Variants in ADAM23 observed in about 807,000 individuals in gnomAD.
ADAM23 encodes ADAM metallopeptidase domain 23.
Under a neutral mutation model 120.1 loss-of-function variants are expected in ADAM23, and 33 were observed. The observed-to-expected ratio is 0.27, with a 90% CI of 0.21 to 0.37. The LOEUF is 0.37. ADAM23 is among the 10% of genes least tolerant of loss of function. The probability of loss-of-function intolerance (pLI) is 1.00; values close to 1 mark genes in which losing one functional copy is unlikely to be tolerated. For missense variants in ADAM23, 862 were observed against 1,058.2 expected (o/e 0.81, Z 2.57); for synonymous variants, 367 against 375.2 (o/e 0.98, Z 0.25).
At chr2:206,460,208 T>C (rs188457312) in intron 2 of ADAM23, among the ~76,000 whole-genome samples, 1 of 152,196 alleles carries the variant, frequency 6.6e-6, no homozygotes, top group Non-Finnish European at 1.5e-5. Context: ...TCTTTATGTT[T>C]GTGTATTTAA....
intron 4 of ADAM23, among the ~76,000 whole-genome samples, chr2:206,536,602 G>A (rs896736254): frequency 6.6e-6 from 1 of 152,060 alleles, no homozygotes; most frequent in Non-Finnish European, 1.5e-5. Context: ...CACGCCACAC[G>A]CTTAAAACGT....
intron 13 of ADAM23, among the ~76,000 whole-genome samples, chr2:206,562,758 G>A (rs925962495): frequency 1.3e-5 from 2 of 152,316 alleles, no homozygotes; most frequent in East Asian, 1.9e-4. Context: ...GGAGAAAAAG[G>A]CTTTGCAAGG....
chr2:206,565,286 C>T (rs958642309), intron 14 of ADAM23, among the ~76,000 whole-genome samples: 1 of 152,094 alleles, frequency 6.6e-6, no homozygotes, highest in Non-Finnish European at 1.5e-5. Context: ...TTACCTTCTA[C>T]TTCTTATTAA....
At position 206,481,268 on chromosome 2, in the gene ADAM23, G is replaced by A; in HGVS notation, c.469G>A (p.Ala157Thr). ...GGCCCAGGCAAGCTTCCAGATTGAA[G>A]CCTTCGGCTCCAAATTCATTCTTGA... The part of the protein sequence containing the change: ...HLAQASFQIE[A>T]FGSKFILDLI... The change falls in exon 3 of 26, where the codon GCC becomes ACC. Residue 157 changes from alanine (A) to threonine (T), a missense_variant. By Grantham distance (58) the Ala-to-Thr change is moderately conservative. Around this residue, in one of 4 missense-constraint regions of ADAM23, gnomAD observed 617 missense variants for 813.5 expected, o/e 0.76. Transcript: ENST00000264377. 1.2e-6 allele frequency: 2 copies of A among 1,609,966 alleles called. No homozygotes were observed. Among genetic ancestry groups the A allele is most frequent in the Non-Finnish European group, 1.7e-6 (2 of 1,178,386 alleles).
chr2:206,462,139 A>G (rs1695433928), intron 2 of ADAM23, among the ~76,000 whole-genome samples: 1 of 152,182 alleles, frequency 6.6e-6, no homozygotes. Flanking sequence ...CTGGGAGCCT[A>G]GAGCAAAGGA....
At chr2:206,465,888 C>G (rs576722906) in intron 2 of ADAM23, among the ~76,000 whole-genome samples, 135 of 152,184 alleles carry the variant, frequency 8.9e-4, no homozygotes, top group African/African-American at 3.1e-3. Context: ...ACAATATAAA[C>G]TTTAATTATG....
chr2:206,480,739 A>G (rs912699080), intron 2 of ADAM23, among the ~76,000 whole-genome samples: 1 of 152,128 alleles, frequency 6.6e-6, no homozygotes, highest in Non-Finnish European at 1.5e-5. Context: ...TGCTTTCTGA[A>G]GTTACAAGGT....
chr2:206,493,285 T>C lies in ADAM23; in HGVS notation c.509+11977T>C, dbSNP rs553636891. On this transcript the variant is annotated intron_variant, in intron 3 of 25. Coordinates refer to ENST00000264377, the MANE Select transcript of ADAM23 (RefSeq NM_003812.4). Reference sequence around the variant, plus strand: ...AAAAGTACTCTCTTTAACAAGTTTGTTCTAATGCTTCTTCCATGATGATAT... The same window carrying C: ...AAAAGTACTCTCTTTAACAAGTTTGCTCTAATGCTTCTTCCATGATGATAT... Among the ~76,000 whole-genome samples, 5 of 152,340 alleles carry C rather than the reference T, an allele frequency of 3.3e-5. No individual in the cohort carries two copies. The South Asian group carries it at 8.3e-4, about 25-fold the overall frequency.
rs188858636 is a variant in ADAM23 at position 206,585,707 on chromosome 2, A to G, written c.1738-1618A>G. 5.4e-3 allele frequency among the ~76,000 whole-genome samples: 818 copies of G among 152,326 alleles called. 28 individuals are homozygous for G. Among genetic ancestry groups the G allele is most frequent in the Admixed American group, 0.048 (732 of 15,304 alleles). ...TGTTGTAGGTACTAGGGCAGCAGTA[A>G]GGAACAAAACATAGAATCCTGCTTG... On this transcript the variant is annotated intron_variant, in intron 18 of 25. Coordinates refer to ENST00000264377, the MANE Select transcript of ADAM23 (RefSeq NM_003812.4).
At chr2:206,495,178 A>G (rs1476064222) in intron 3 of ADAM23, among the ~76,000 whole-genome samples, 1 of 152,108 alleles carries the variant, frequency 6.6e-6, no homozygotes, top group Non-Finnish European at 1.5e-5. Context: ...GAGAAGAGCA[A>G]CTCCAAGACA....
chr2:206,543,602 C>A (rs1559256546), intron 6 of ADAM23, among the ~76,000 whole-genome samples: 1 of 152,096 alleles, frequency 6.6e-6, no homozygotes, highest in Non-Finnish European at 1.5e-5. Context: ...TATTAGCCAG[C>A]CTCCTTACTT....
chr2:206,589,086 C>T (rs1698379478), intron 20 of ADAM23, among the ~76,000 whole-genome samples: 1 of 152,144 alleles, frequency 6.6e-6, no homozygotes, highest in Non-Finnish European at 1.5e-5. Flanking sequence ...TCATTCGCAC[C>T]TTCCATCCTC....
intron 2 of ADAM23, among the ~76,000 whole-genome samples, chr2:206,469,938 T>C (rs1695619064): frequency 6.6e-6 from 1 of 152,196 alleles, no homozygotes; most frequent in Non-Finnish European, 1.5e-5. Flanking sequence ...TCTTTGACCA[T>C]CCTATTTAAA....
intron 18 of ADAM23, among the ~76,000 whole-genome samples, chr2:206,575,582 G>A (rs1445483419): frequency 6.6e-6 from 1 of 152,088 alleles, no homozygotes; most frequent in Admixed American, 6.6e-5. Flanking sequence ...CTTTCCAAGA[G>A]GCTCCCAATA....
intron 1 of ADAM23, among the ~76,000 whole-genome samples, chr2:206,444,584 C>T (rs1010323125): frequency 6.6e-6 from 1 of 152,168 alleles, no homozygotes; most frequent in African/African-American, 2.4e-5. Flanking sequence ...ACTTCATGCA[C>T]GACCTTTGGT....
chr2:206,496,245 T>A (rs1696244927), intron 3 of ADAM23, among the ~76,000 whole-genome samples: 1 of 152,146 alleles, frequency 6.6e-6, no homozygotes, highest in African/African-American at 2.4e-5. Context: ...GACCACATAG[T>A]TGGAAGTAAA....
chr2:206,478,443 T>C (rs1695828443), intron 2 of ADAM23, among the ~76,000 whole-genome samples: 1 of 152,186 alleles, frequency 6.6e-6, no homozygotes, highest in African/African-American at 2.4e-5. Flanking sequence ...GATATCTTGT[T>C]GCTGGCATGA....
chr2:206,507,985 A>G (rs1696529571), intron 3 of ADAM23, among the ~76,000 whole-genome samples: 1 of 152,144 alleles, frequency 6.6e-6, no homozygotes, highest in African/African-American at 2.4e-5. Context: ...GTTTAATGAA[A>G]TGAAGAAGAG....
chr2:206,540,373 T>C lies in ADAM23; in HGVS notation c.574-1679T>C, dbSNP rs531826775. 6.8e-4 allele frequency among the ~76,000 whole-genome samples: 104 copies of C among 152,238 alleles called. 1 individual carries two copies. Among genetic ancestry groups the C allele is most frequent in the African/African-American group, 2.4e-3 (100 of 41,558 alleles). ...GTGCATATAGAGGGCTGACTTTCCATATATGTGGTTTCCACAGGGCCGACT... is the reference window on the plus strand; with the variant it reads ...GTGCATATAGAGGGCTGACTTTCCACATATGTGGTTTCCACAGGGCCGACT... On this transcript the variant is annotated intron_variant, in intron 4 of 25. Transcript: ENST00000264377.
Sources: gnomAD v4.1 joint callset for allele counts (sites outside exome capture counted in the v4.1 genomes callset) on GRCh38, gnomAD v4.1.1 for gene constraint, gnomAD v4.1.1 regional missense constraint, MANE v1.5 for transcripts, NCBI Gene and HGNC (gene_info 2026-07-23, HGNC 2026-07-21) for gene names.